NTRK3: variants seen among roughly 807,000 people sequenced by gnomAD.
The protein encoded by NTRK3 is NT-3 growth factor receptor.
NTRK3 carries 24 observed loss-of-function variants against 91.7 expected under a neutral mutation model. The observed-to-expected ratio is 0.26, with a 90% CI of 0.19 to 0.37. The LOEUF (loss-of-function observed/expected upper bound fraction) is 0.37, where lower values mean the gene tolerates loss of function less well. Among genes scored for constraint, NTRK3 ranks in the 10% least tolerant of loss-of-function variants. The pLI, the probability that NTRK3 is intolerant of heterozygous loss-of-function variation, is 1.00. For synonymous variants in NTRK3, 483 were observed against 404.0 expected (o/e 1.20, Z -2.34); for missense variants, 880 against 1,068.9 (o/e 0.82, Z 2.46).
At chr15:88,169,576 CA>C (rs994921900) in intron 5 of NTRK3, among the ~76,000 whole-genome samples, 13 of 152,164 alleles carry the variant, frequency 8.5e-5, no homozygotes, top group Non-Finnish European at 1.8e-4. Flanking sequence ...AGAGAGATCT[CA>C]GGTCACAGGG....
At chr15:88,101,864 T>G (rs975167037) in intron 13 of NTRK3, among the ~76,000 whole-genome samples, 6 of 152,150 alleles carry the variant, frequency 3.9e-5, no homozygotes, top group Admixed American at 3.3e-4. Context: ...CAGGGACTGT[T>G]GTGGGGTGGG....
At chr15:88,048,531 G>A (rs1488435523) in intron 13 of NTRK3, among the ~76,000 whole-genome samples, 1 of 152,088 alleles carries the variant, frequency 6.6e-6, no homozygotes, top group African/African-American at 2.4e-5. Context: ...GTGTCTGCAG[G>A]GGTAACTGGA....
chr15:87,992,256 C>G (rs1194530659), intron 14 of NTRK3, among the ~76,000 whole-genome samples: 1 of 152,132 alleles, frequency 6.6e-6, no homozygotes, highest in Non-Finnish European at 1.5e-5. Context: ...TCATCTACTC[C>G]TTCCCTACTC....
intron 16 of NTRK3, among the ~76,000 whole-genome samples, chr15:87,932,031 C>T (rs1401049098): frequency 6.6e-6 from 1 of 152,194 alleles, no homozygotes; most frequent in African/African-American, 2.4e-5. Flanking sequence ...ACATGGCTGT[C>T]CCTTCCACAT....
intron 14 of NTRK3, among the ~76,000 whole-genome samples, chr15:87,958,150 G>T (rs937083498): frequency 6.6e-6 from 1 of 152,142 alleles, no homozygotes; most frequent in Non-Finnish European, 1.5e-5. Context: ...GTGATTTCAG[G>T]GGCATAAAAT....
intron 13 of NTRK3, among the ~76,000 whole-genome samples, chr15:88,052,542 C>T (rs746706823): frequency 2.3e-4 from 35 of 152,338 alleles, no homozygotes; most frequent in Middle Eastern, 6.8e-3. Context: ...GTGTCAGGGG[C>T]TGCCACATCC....
chr15:87,909,057 C>T (rs1292243547), intron 17 of NTRK3, among the ~76,000 whole-genome samples: 3 of 152,042 alleles, frequency 2.0e-5, no homozygotes, highest in South Asian at 2.1e-4. Flanking sequence ...TAGTGTGTCC[C>T]GCAGAAAATC....
chr15:87,948,951 T>C (rs1237341629), intron 14 of NTRK3, among the ~76,000 whole-genome samples: 2 of 152,120 alleles, frequency 1.3e-5, no homozygotes, highest in Non-Finnish European at 2.9e-5. Context: ...CAAAGAGGCT[T>C]TGAAGGGTGC....
At chr15:88,209,102 C>G (rs137988241) in intron 3 of NTRK3, among the ~76,000 whole-genome samples, 1 of 152,204 alleles carries the variant, frequency 6.6e-6, no homozygotes, top group African/African-American at 2.4e-5. Context: ...TTTGGGAATA[C>G]AGATGAAGAA....
intron 14 of NTRK3, among the ~76,000 whole-genome samples, chr15:87,950,322 G>T (rs764018354): frequency 6.6e-5 from 10 of 152,220 alleles, no homozygotes; most frequent in Non-Finnish European, 1.3e-4. Context: ...TCACCCATTT[G>T]CAGGACACAC....
At chr15:88,223,062 G>A (rs1026794308) in intron 3 of NTRK3, among the ~76,000 whole-genome samples, 1 of 152,182 alleles carries the variant, frequency 6.6e-6, no homozygotes, top group East Asian at 1.9e-4. Context: ...GGCGGCAGGG[G>A]AGAAAAGGTG....
chr15:87,979,191 C>G, intron 14 of NTRK3: 2 of 707,280 alleles, frequency 2.8e-6, no homozygotes, highest in Non-Finnish European at 5.1e-6. Flanking sequence ...AAACACCCAT[C>G]TGGTGGTGTT....
chr15:87,927,263 C>A (rs745367442), intron 17 of NTRK3: 1 of 152,254 alleles, frequency 6.6e-6, no homozygotes, highest in Non-Finnish European at 1.5e-5. Context: ...GGTTGCACAA[C>A]AAACAAGTCA....
At chr15:88,082,771 G>A (rs528085996) in intron 13 of NTRK3, among the ~76,000 whole-genome samples, 9 of 152,288 alleles carry the variant, frequency 5.9e-5, no homozygotes, top group Admixed American at 1.3e-4. Flanking sequence ...GTCCCACTAA[G>A]CCGGGAAGGA....
chr15:88,173,238 A>G (rs1245756361), intron 5 of NTRK3, among the ~76,000 whole-genome samples: 1 of 152,142 alleles, frequency 6.6e-6, no homozygotes, highest in African/African-American at 2.4e-5. Flanking sequence ...GAGGTGTCAG[A>G]TGTTGAAGTT....
intron 14 of NTRK3, among the ~76,000 whole-genome samples, chr15:88,023,089 C>T (rs2077722554): frequency 6.6e-6 from 1 of 152,066 alleles, no homozygotes. Flanking sequence ...GGAAAAATGT[C>T]AAAGTGCTAT....
At chr15:88,052,335 G>A (rs990614124) in intron 13 of NTRK3, among the ~76,000 whole-genome samples, 12 of 152,314 alleles carry the variant, frequency 7.9e-5, no homozygotes, top group Middle Eastern at 6.8e-3. Flanking sequence ...GTGAAAATAG[G>A]AAGCTATGGC....
intron 5 of NTRK3, among the ~76,000 whole-genome samples, chr15:88,148,870 G>A (rs1417345693): frequency 2.0e-5 from 3 of 152,170 alleles, no homozygotes; most frequent in East Asian, 1.9e-4. Flanking sequence ...TAGAGGTAGA[G>A]CTGCCAGGAT....
intron 13 of NTRK3, among the ~76,000 whole-genome samples, chr15:88,059,502 C>T (rs1274381733): frequency 6.6e-6 from 1 of 152,182 alleles, no homozygotes; most frequent in African/African-American, 2.4e-5. Context: ...ATTCTCCATG[C>T]ATGCTTCACT....
Sources: gnomAD v4.1 joint callset for allele counts (sites outside exome capture counted in the v4.1 genomes callset) on GRCh38, gnomAD v4.1.1 for gene constraint, MANE v1.5 for transcripts, NCBI Gene and HGNC (gene_info 2026-07-23, HGNC 2026-07-21) for gene names.